Variants in UBR1 observed in about 807,000 individuals in gnomAD.
The protein encoded by UBR1 is E3 ubiquitin-protein ligase UBR1.
In UBR1, 102 loss-of-function variants were observed where a neutral mutation model predicts 242.1. The ratio of observed to expected loss-of-function variants is 0.42; its 90% CI spans 0.36 to 0.50. The LOEUF is 0.50. Ranked by LOEUF, UBR1 falls within the 20% of genes least tolerant of loss-of-function variation. The probability of loss-of-function intolerance (pLI) is 0.01; values close to 1 mark genes in which losing one functional copy is unlikely to be tolerated. For synonymous variants in UBR1, 675 were observed against 684.8 expected (o/e 0.99, Z 0.22); for missense variants, 1,772 against 2,101.8 (o/e 0.84, Z 3.07).
chr15:43,015,349 C>T (rs982099178), intron 29 of UBR1, among the ~76,000 whole-genome samples: 1 of 152,008 alleles, frequency 6.6e-6, no homozygotes, highest in African/African-American at 2.4e-5. Context: ...TTACCCCCAA[C>T]CCTGTGCTCT....
intron 44 of UBR1, among the ~76,000 whole-genome samples, chr15:42,954,077 G>A (rs1224698251): frequency 1.3e-5 from 2 of 151,822 alleles, no homozygotes; most frequent in Non-Finnish European, 2.9e-5. Flanking sequence ...TAGAGACAGG[G>A]TCTCCCCATG....
At chr15:43,045,709 G>A (rs1036152492) in intron 14 of UBR1, among the ~76,000 whole-genome samples, 7 of 152,096 alleles carry the variant, frequency 4.6e-5, no homozygotes, top group Non-Finnish European at 8.8e-5. Flanking sequence ...GCCCTAAGAC[G>A]GCAAAGAAAA....
chr15:43,015,057 G>A (rs1491002785), intron 29 of UBR1, among the ~76,000 whole-genome samples: 1 of 151,402 alleles, frequency 6.6e-6, no homozygotes, highest in African/African-American at 2.4e-5. Flanking sequence ...CACCCCGTCC[G>A]GGAGGTGGGG....
intron 33 of UBR1, among the ~76,000 whole-genome samples, chr15:42,995,957 T>A: frequency 6.6e-6 from 1 of 152,202 alleles, no homozygotes; most frequent in African/African-American, 2.4e-5. Context: ...TATTCTCCAC[T>A]GTTCCCCACT....
intron 18 of UBR1, 62 bp from the exon 19 acceptor site, chr15:43,036,341 G>A (rs917081896): frequency 1.4e-6 from 2 of 1,475,174 alleles, no homozygotes; most frequent in African/African-American, 2.8e-5. Flanking sequence ...TTTGTCTCAT[G>A]TAGGACTGTC....
chr15:43,022,410 G>T (rs2033121517), intron 26 of UBR1, among the ~76,000 whole-genome samples: 4 of 146,328 alleles, frequency 2.7e-5, no homozygotes, highest in Non-Finnish European at 6.0e-5. Flanking sequence ...AGGAATGAAA[G>T]TTAAAAAATA....
intron 17 of UBR1, 123 bp downstream of exon 17, chr15:43,037,650 G>T: frequency 1.2e-6 from 1 of 804,720 alleles, no homozygotes; most frequent in Non-Finnish European, 2.1e-6. Context: ...ATTTCTAGGA[G>T]TTTATACAAG....
intron 20 of UBR1, 151 bp downstream of exon 20, chr15:43,032,417 A>G: frequency 1.7e-6 from 1 of 580,412 alleles, no homozygotes; most frequent in Non-Finnish European, 3.0e-6. Flanking sequence ...AGGTACTGAA[A>G]AATAAAAATG....
At chr15:42,956,502 C>T (rs1235585991) in intron 44 of UBR1, among the ~76,000 whole-genome samples, 1 of 152,058 alleles carries the variant, frequency 6.6e-6, no homozygotes, top group African/African-American at 2.4e-5. Context: ...GTATTTTTAG[C>T]AGAGGCAGAG....
chr15:43,035,535 T>C (rs1846973608), intron 19 of UBR1, among the ~76,000 whole-genome samples: 1 of 150,862 alleles, frequency 6.6e-6, no homozygotes, highest in South Asian at 2.1e-4. Context: ...TAGCCCTTTG[T>C]CAGATGAGTA....
At chr15:43,050,157 C>G (rs1476416246) in intron 12 of UBR1, among the ~76,000 whole-genome samples, 1 of 152,068 alleles carries the variant, frequency 6.6e-6, no homozygotes, top group Non-Finnish European at 1.5e-5. Context: ...CTATGTTGCC[C>G]AGGCTGGTTG....
At chr15:42,992,702 C>G (rs1389124980) in intron 33 of UBR1, among the ~76,000 whole-genome samples, 1 of 152,156 alleles carries the variant, frequency 6.6e-6, no homozygotes, top group Non-Finnish European at 1.5e-5. Flanking sequence ...TTCTATAGTT[C>G]TCTCCTCTTG....
chr15:43,038,254 A>G (rs2033363416), intron 15 of UBR1, 22 bp from the exon 16 acceptor site: 2 of 1,612,588 alleles, frequency 1.2e-6, no homozygotes, highest in East Asian at 4.5e-5. Flanking sequence ...AAAACGAGAG[A>G]GAAAATGAGA....
At position 43,001,328 on chromosome 15, in the gene UBR1, T is replaced by C. The variant is rs116238461; in HGVS notation, c.3659+1227A>G. 9.4e-3 allele frequency among the ~76,000 whole-genome samples: 1,437 copies of C among 152,146 alleles called. 25 individuals carry two copies. Among genetic ancestry groups the C allele is most frequent in the African/African-American group, 0.033 (1,360 of 41,484 alleles). On this transcript the variant is annotated intron_variant, in intron 32 of 46. Transcript: ENST00000290650. ...ACACCCAACTAATTTTTTTGTATTT[T>C]TAGTACAGACGGGTTTCATTATGTT...
At chr15:43,103,942 A>T (rs2034267396) in intron 1 of UBR1, among the ~76,000 whole-genome samples, 1 of 151,686 alleles carries the variant, frequency 6.6e-6, no homozygotes, top group Non-Finnish European at 1.5e-5. Flanking sequence ...AGAGAAAGAG[A>T]GAGGTAGAAT....
intron 14 of UBR1, 150 bp downstream of exon 14, chr15:43,047,011 C>T: frequency 1.0e-6 from 1 of 961,656 alleles, no homozygotes; most frequent in Non-Finnish European, 1.5e-6. Flanking sequence ...TACAGTTTCC[C>T]CCTAAATTTA....
intron 27 of UBR1, 49 bp from the exon 28 acceptor site, chr15:43,017,230 C>A: frequency 1.6e-6 from 2 of 1,285,928 alleles, no homozygotes; most frequent in East Asian, 2.3e-5. Context: ...ACTGTTAGAC[C>A]GACCAGGAAC....
Position 43,059,005 on chromosome 15 carries a change from C to T in UBR1, c.1093+80G>A, listed in dbSNP as rs527845079. 4.5e-5 allele frequency: 49 copies of T among 1,097,450 alleles called. No individual in the cohort carries two copies. The African/African-American group carries it at 6.4e-4, about 14-fold the overall frequency. 68.0% of individuals were successfully genotyped at this position (1,097,450 alleles called of 1,614,324 possible). ...CAGATTTAATAACTAATTTAATAAACAAAAGATATTACAGCTCCACTTTAA... is the reference window on the plus strand; with the variant it reads ...CAGATTTAATAACTAATTTAATAAATAAAAGATATTACAGCTCCACTTTAA... On this transcript the variant is annotated intron_variant, in intron 9 of 46. Coordinates refer to ENST00000290650, the MANE Select transcript of UBR1 (RefSeq NM_174916.3).
Position 42,943,876 on chromosome 15 carries a change from A to G in UBR1, c.*1453T>C, listed in dbSNP as rs533536926. The stretch of plus-strand genomic sequence containing the variant: ...GTAATTATTCAAGTAGAAAATCATG[A>G]TTGTGATTCTGACGCCTGCTCATGC... On this transcript the variant is annotated 3_prime_UTR_variant, in exon 47 of 47. Coordinates refer to ENST00000290650, the MANE Select transcript of UBR1 (RefSeq NM_174916.3). 1.3e-5 allele frequency: 2 copies of G among 152,434 alleles called. No individual in the cohort carries two copies. Among genetic ancestry groups the G allele is most frequent in the Non-Finnish European group, 2.9e-5 (2 of 68,050 alleles). The allele number at this position is 152,434 out of a possible 1,614,324, so 9.4% of individuals were successfully genotyped here.
Sources: gnomAD v4.1 joint callset for allele counts (sites outside exome capture counted in the v4.1 genomes callset) on GRCh38, gnomAD v4.1.1 for gene constraint, MANE v1.5 for transcripts, NCBI Gene and HGNC (gene_info 2026-07-23, HGNC 2026-07-21) for gene names.